The following PHF21B variants were observed in gnomAD, a reference collection of about 807,000 sequenced individuals.
The protein encoded by PHF21B is PHD finger protein 4.
A neutral mutation model predicts 62.2 loss-of-function variants in PHF21B; 22 were observed. That is an observed-to-expected ratio of 0.35 (90% CI 0.25 to 0.51). The LOEUF (loss-of-function observed/expected upper bound fraction) is 0.51. PHF21B is among the 20% of genes least tolerant of loss of function. The pLI is 0.97. For synonymous variants in PHF21B, 341 were observed against 314.7 expected (o/e 1.08, Z -0.88); for missense variants, 701 against 707.9 (o/e 0.99, Z 0.11).
intron 2 of PHF21B, among the ~76,000 whole-genome samples, chr22:44,929,038 G>T (rs1034468927): frequency 1.3e-5 from 2 of 152,194 alleles, no homozygotes; most frequent in East Asian, 1.9e-4. Flanking sequence ...TCTCCACATG[G>T]CCCAGCCGCC....
chr22:44,945,068 C>G (rs1247625416), intron 2 of PHF21B, among the ~76,000 whole-genome samples: 1 of 151,394 alleles, frequency 6.6e-6, no homozygotes, highest in Non-Finnish European at 1.5e-5. Context: ...TTGCCTGTTT[C>G]CCGTATTAAT....
At chr22:44,966,562 C>G (rs999960926) in intron 2 of PHF21B, among the ~76,000 whole-genome samples, 5 of 152,122 alleles carry the variant, frequency 3.3e-5, no homozygotes, top group Non-Finnish European at 7.4e-5. Context: ...GACCACAGGT[C>G]AAGGCCAGGC....
At chr22:44,936,204 C>T (rs1408439427) in intron 2 of PHF21B, among the ~76,000 whole-genome samples, 1 of 152,210 alleles carries the variant, frequency 6.6e-6, no homozygotes, top group Admixed American at 6.5e-5. Flanking sequence ...AGCTACGGAA[C>T]GGGGCTGTGG....
intron 2 of PHF21B, among the ~76,000 whole-genome samples, chr22:44,926,605 G>T (rs1851600578): frequency 6.6e-6 from 1 of 152,236 alleles, no homozygotes; most frequent in Non-Finnish European, 1.5e-5. Context: ...AGATAGCTCT[G>T]GGTGGGCTGA....
chr22:44,947,991 C>CCTCCTCCCCGCTGTTGTCT (rs1391508024), intron 2 of PHF21B, among the ~76,000 whole-genome samples: 3 of 152,054 alleles, frequency 2.0e-5, no homozygotes, highest in African/African-American at 7.2e-5. Flanking sequence ...CGCTGTTGTC[C>CCTCCTCCCCGCTGTTGTCT]CTCCTCCCCG....
At chr22:44,962,304 C>T (rs1299337847) in intron 2 of PHF21B, among the ~76,000 whole-genome samples, 4 of 152,142 alleles carry the variant, frequency 2.6e-5, no homozygotes, top group South Asian at 4.1e-4. Context: ...CCTCAACTTA[C>T]GATGAAGTTA....
intron 2 of PHF21B, among the ~76,000 whole-genome samples, chr22:45,000,285 C>A (rs1339211364): frequency 6.6e-6 from 1 of 152,138 alleles, no homozygotes; most frequent in Non-Finnish European, 1.5e-5. Context: ...GCTCCTTAAC[C>A]CCCTAGAGGT....
intron 2 of PHF21B, among the ~76,000 whole-genome samples, chr22:45,004,430 G>T (rs1026293494): frequency 8.5e-5 from 13 of 152,162 alleles, no homozygotes; most frequent in Admixed American, 3.3e-4. Context: ...TGGTAGCCAG[G>T]CTAACCAGGG....
At chr22:44,953,991 AC>A (rs1054095408) in intron 2 of PHF21B, among the ~76,000 whole-genome samples, 51 of 151,826 alleles carry the variant, frequency 3.4e-4, no homozygotes, top group Non-Finnish European at 5.9e-4. Context: ...CTGAACCACC[AC>A]CCCACCGGGC....
intron 2 of PHF21B, among the ~76,000 whole-genome samples, chr22:44,935,128 G>A (rs1209376853): frequency 1.3e-5 from 2 of 152,074 alleles, no homozygotes; most frequent in Non-Finnish European, 2.9e-5. Context: ...CCCTGTCCCC[G>A]ACACACTCCC....
rs142995159 is a variant in PHF21B at position 44,937,117 on chromosome 22, C to T, written c.121-16627G>A. On this transcript the variant is annotated intron_variant, in intron 2 of 12. Transcript: ENST00000313237. ...CTGACCTCAAGTGATCCAACTGCCT[C>T]GGCCTCCCAAACTGCTGGGATTACA... Among the ~76,000 whole-genome samples, 1,154 of 152,244 alleles carry T rather than the reference C, an allele frequency of 7.6e-3. 15 individuals are homozygous for T. The highest frequency in any genetic ancestry group is 0.027 in the African/African-American group (1,102 of 41,542).
intron 4 of PHF21B, among the ~76,000 whole-genome samples, chr22:44,915,690 C>T (rs1408902127): frequency 6.6e-6 from 1 of 152,156 alleles, no homozygotes; most frequent in Non-Finnish European, 1.5e-5. Flanking sequence ...CCTGGCAGAC[C>T]CCAAATGGGG....
intron 2 of PHF21B, chr22:45,000,490 G>A (rs1010898855): frequency 1.3e-5 from 2 of 152,282 alleles, no homozygotes; most frequent in African/African-American, 4.8e-5. Context: ...GGCGTTGGAG[G>A]AAAAACTTGG....
chr22:44,890,626 G>T (rs1467969665), intron 8 of PHF21B, among the ~76,000 whole-genome samples: 1 of 152,242 alleles, frequency 6.6e-6, no homozygotes, highest in Admixed American at 6.5e-5. Context: ...CCTGCTCGTG[G>T]GACTATGGTT....
chr22:44,925,567 C>G (rs1186840503), intron 2 of PHF21B, among the ~76,000 whole-genome samples: 1 of 152,158 alleles, frequency 6.6e-6, no homozygotes, highest in Admixed American at 6.5e-5. Flanking sequence ...CCCTGGATAT[C>G]CACTTTGGAC....
rs958700821 is a variant in PHF21B at position 44,921,356 on chromosome 22, G to GTTCTTTTTTTTT, written c.121-878_121-867dup. On this transcript the variant is annotated intron_variant, in intron 2 of 12. Transcript: ENST00000313237. Reference sequence around the variant, plus strand: ...CACAGCCCCCGATGGAACCGGAACAGTTCTTTTTTTTTTTCTTTTTTTTTT... The same window carrying GTTCTTTTTTTTT: ...CACAGCCCCCGATGGAACCGGAACAGTTCTTTTTTTTTTTCTTTTTTTTTTTCTTTTTTTTTT... Among the ~76,000 whole-genome samples the GTTCTTTTTTTTT allele has an allele frequency of 2.5e-5, 3 of 119,204 alleles. No homozygotes were observed. The South Asian group carries it at 8.0e-4, about 32-fold the overall frequency. The allele number at this position is 119,204 out of a possible 152,430, so 78.2% of individuals were successfully genotyped here.
chr22:45,007,435 AGGCCCG>A (rs2073338627), intron 2 of PHF21B, among the ~76,000 whole-genome samples: 1 of 144,278 alleles, frequency 6.9e-6, no homozygotes, highest in Non-Finnish European at 1.5e-5. Context: ...GCGCGGGGGC[AGGCCCG>A]GGCGGGGGCG....
chr22:44,925,396 G>T (rs2071609304), intron 2 of PHF21B, among the ~76,000 whole-genome samples: 1 of 152,150 alleles, frequency 6.6e-6, no homozygotes, highest in African/African-American at 2.4e-5. Flanking sequence ...ACATGGCAGA[G>T]GGTCTCAGGC....
At chr22:44,917,051 G>T (rs1325235635) in intron 3 of PHF21B, among the ~76,000 whole-genome samples, 1 of 152,212 alleles carries the variant, frequency 6.6e-6, no homozygotes, top group African/African-American at 2.4e-5. Context: ...GGCTTCGAGG[G>T]CTCCTGGGCC....
Sources: allele counts gnomAD v4.1 joint callset (sites outside exome capture counted in the v4.1 genomes callset), GRCh38; gene constraint gnomAD v4.1.1; transcripts MANE v1.5; gene names NCBI Gene and HGNC (gene_info 2026-07-23, HGNC 2026-07-21).